ECE1: variants seen among roughly 807,000 people sequenced by gnomAD.
ECE1 encodes endothelin-converting enzyme 1.
A neutral mutation model predicts 98.6 loss-of-function variants in ECE1; 35 were observed. The ratio of observed to expected loss-of-function variants is 0.35; its 90% confidence interval spans 0.27 to 0.47. The LOEUF is 0.47. Among genes scored for constraint, ECE1 ranks in the 20% least tolerant of loss-of-function variants. ECE1 has a pLI of 1.00. For synonymous variants in ECE1, 394 were observed against 407.1 expected (o/e 0.97, Z 0.39); for missense variants, 814 against 1,025.3 (o/e 0.79, Z 2.81).
Position 21,245,077 on chromosome 1 carries a change from T to C in ECE1, c.1190A>G (p.Asn397Ser), listed in dbSNP as rs145301395. ...RCLLNNYMIW[N>S]LVRKTSSFLD... Reference sequence around the variant, plus strand: ...GAAGGAGCTTGTTTTCCGCACCAGGTTCCAGATCATGTAGTTGTTGAGCAG... The same window carrying C: ...GAAGGAGCTTGTTTTCCGCACCAGGCTCCAGATCATGTAGTTGTTGAGCAG... The change falls in exon 10 of 19, where the codon AAC (asparagine) becomes AGC (serine). Residue 397 changes from asparagine to serine, a missense_variant. By Grantham distance (46) the Asn-to-Ser change is conservative (BLOSUM62 1). Coordinates refer to ENST00000374893, the MANE Select transcript of ECE1 (RefSeq NM_001397.3). 1,057 of 1,614,158 alleles carry C rather than the reference T, an allele frequency of 6.5e-4. 8 individuals are homozygous for C. In the South Asian group the frequency reaches 7.6e-3, roughly 12 times the overall value.
chr1:21,265,712 G>T (rs767987193), intron 4 of ECE1, among the ~76,000 whole-genome samples: 1 of 152,016 alleles, frequency 6.6e-6, no homozygotes, highest in Non-Finnish European at 1.5e-5. Context: ...CCCTTTCGGG[G>T]CTGTCACTCT....
rs1012930278 is a variant in ECE1 at position 21,307,074 on chromosome 1, G to T, written c.4-16918C>A. 1.3e-5 allele frequency among the ~76,000 whole-genome samples: 2 copies of T among 152,152 alleles called. No homozygotes were observed. Among genetic ancestry groups the T allele is most frequent in the Non-Finnish European group, 2.9e-5 (2 of 68,032 alleles). ...GCTTAGGATGACTGAGGTCCACCGA[G>T]GACTCCCTCGTCTCCCTGCACTCAA... On this transcript the variant is annotated intron_variant, in intron 1 of 18. Coordinates refer to the ECE1 transcript ENST00000415912. The surrounding 1 kb of genome is among the most constrained non-coding windows in gnomAD (Gnocchi z 4.2).
At chr1:21,331,157 C>CT (rs1288672677) in intron 1 of ECE1, among the ~76,000 whole-genome samples, 6 of 152,140 alleles carry the variant, frequency 3.9e-5, no homozygotes, top group Non-Finnish European at 2.9e-5. Flanking sequence ...AATCCCAGCA[C>CT]TTTGGGAGGC....
chr1:21,343,967 A>G lies in ECE1; in HGVS notation c.3+1409T>C, dbSNP rs571967633. On this transcript the variant is annotated intron_variant, in intron 1 of 18. Transcript: ENST00000415912. ...TCCAGTGCTGGTCCACAGATAGTGC[A>G]CTCCCTGTGTCGGAAACGGTCTGGG... Among the ~76,000 whole-genome samples, 268 of 151,932 alleles carry G rather than the reference A, an allele frequency of 1.8e-3. 1 individual carries two copies. Among genetic ancestry groups the G allele is most frequent in the African/African-American group, 6.3e-3 (259 of 41,424 alleles).
intron 2 of ECE1, among the ~76,000 whole-genome samples, chr1:21,288,856 T>G (rs1414112975): frequency 1.3e-5 from 2 of 152,078 alleles, no homozygotes; most frequent in Non-Finnish European, 2.9e-5. Context: ...AGAGCCTCAG[T>G]TTCCACATCT....
At chr1:21,279,166 C>A in intron 3 of ECE1, 25 bp downstream of exon 3, 1 of 1,614,072 alleles carries the variant, frequency 6.2e-7, no homozygotes, top group South Asian at 1.1e-5. Context: ...GAGTCAAGCC[C>A]ACCATGCAAC....
chr1:21,303,407 A>G (rs546124073), intron 1 of ECE1, among the ~76,000 whole-genome samples: 3 of 152,350 alleles, frequency 2.0e-5, no homozygotes, highest in Admixed American at 2.0e-4. Context: ...TGGGCAAATC[A>G]CTTAATCCCT....
chr1:21,260,788 AGAT>A lies in ECE1; in HGVS notation c.494-399_494-397del, dbSNP rs1001947717. 3.7e-4 allele frequency among the ~76,000 whole-genome samples: 57 copies of A among 152,320 alleles called. No homozygotes were observed. Among genetic ancestry groups the A allele is most frequent in the African/African-American group, 1.3e-3 (56 of 41,560 alleles). On this transcript the variant is annotated intron_variant, in intron 4 of 18. Coordinates refer to ENST00000374893, the MANE Select transcript of ECE1 (RefSeq NM_001397.3). This position sits in a 1 kb window ranked among gnomAD's most constrained non-coding sequence, Gnocchi z 4.3. ...AGGCCGGTCTTGGTTTTCAGATACC[AGAT>A]GATCTTTCTTGTGATAAAGACTGAA... is the stretch of plus-strand genomic sequence containing the variant.
intron 4 of ECE1, among the ~76,000 whole-genome samples, chr1:21,261,902 C>T (rs554343196): frequency 5.3e-5 from 8 of 152,270 alleles, no homozygotes; most frequent in Non-Finnish European, 7.4e-5. Context: ...TGGGGACAAG[C>T]GGGGATGCCT....
chr1:21,253,246 G>A (rs1322667881), intron 8 of ECE1, among the ~76,000 whole-genome samples: 2 of 151,522 alleles, frequency 1.3e-5, no homozygotes, highest in African/African-American at 2.4e-5. Flanking sequence ...TAGTAGAGAC[G>A]GGGTTTTACC....
rs142918103 is a variant in ECE1 at position 21,220,056 on chromosome 1, G to C, written c.2212C>G (p.Arg738Gly). 1 of 1,614,234 alleles carries C rather than the reference G, an allele frequency of 6.2e-7. No individual in the cohort carries two copies. The highest frequency in any genetic ancestry group is 1.7e-5 in the Admixed American group (1 of 60,020). ...GAATTGGAGAGGGAGCCGATGACCC[G>C]GAAGCGAGAGGGGCTGTGGGGATCG... Reference protein sequence around the residue: ...ITDPHSPSRFRVIGSLSNSKE... With the variant: ...ITDPHSPSRFGVIGSLSNSKE... The change falls in exon 19 of 19, where the codon CGG becomes GGG. Residue 738 changes from arginine (R) to glycine (G), a missense_variant. Physicochemically the swap from Arg to Gly is moderately radical, Grantham distance 125. Transcript: ENST00000374893. The surrounding 1 kb of genome is among the most constrained non-coding windows in gnomAD (Gnocchi z 5.0).
intron 1 of ECE1, among the ~76,000 whole-genome samples, chr1:21,304,966 TG>T (rs757757217): frequency 1.3e-5 from 2 of 152,212 alleles, no homozygotes; most frequent in Non-Finnish European, 2.9e-5. Context: ...GTCCCATCCT[TG>T]GTCCCTGCTT....
rs571455791 is a variant in ECE1 at position 21,224,987 on chromosome 1, G to A, written c.2040+263C>T. 1.1e-3 allele frequency among the ~76,000 whole-genome samples: 165 copies of A among 152,302 alleles called. 1 individual carries two copies. The highest frequency in any genetic ancestry group is 3.7e-3 in the African/African-American group (153 of 41,558). On this transcript the variant is annotated intron_variant, in intron 17 of 18. Coordinates refer to ENST00000374893, the MANE Select transcript of ECE1 (RefSeq NM_001397.3). ...AGATGAGAACAGGCAGGCTCTTCAG[G>A]CGGATGAAGCCCGAGCCCCTTCCTG...
chr1:21,227,073 G>A, intron 16 of ECE1, 86 bp downstream of exon 16: 2 of 1,386,454 alleles, frequency 1.4e-6, no homozygotes, highest in Non-Finnish European at 2.0e-6. Flanking sequence ...GCCCAGGCTG[G>A]TCTCAAACTC....
intron 1 of ECE1, chr1:21,298,535 T>G: frequency 3.0e-6 from 1 of 338,338 alleles, no homozygotes; most frequent in Non-Finnish European, 5.9e-6. Flanking sequence ...CTTAAAAAAG[T>G]GAGCCACGGA....
intron 2 of ECE1, 158 bp from the exon 3 acceptor site, chr1:21,279,490 C>T: frequency 1.3e-6 from 2 of 1,498,768 alleles, no homozygotes; most frequent in Non-Finnish European, 1.8e-6. Context: ...AGCCCTAATC[C>T]AGGAAAGGAA....
At chr1:21,321,588 T>C (rs1638964361) in intron 1 of ECE1, among the ~76,000 whole-genome samples, 1 of 150,980 alleles carries the variant, frequency 6.6e-6, no homozygotes, top group South Asian at 2.1e-4. Context: ...TTCTCCATTC[T>C]TTCTGCAGTC....
At position 21,307,820 on chromosome 1, in the gene ECE1, A is replaced by AGAGGCCCTGCCCCCTTGAGAGG. The variant is rs572629102; in HGVS notation, c.4-17686_4-17665dup. Among the ~76,000 whole-genome samples, 743 of 152,256 alleles carry AGAGGCCCTGCCCCCTTGAGAGG rather than the reference A, an allele frequency of 4.9e-3. 1 individual carries two copies. Among genetic ancestry groups the AGAGGCCCTGCCCCCTTGAGAGG allele is most frequent in the Non-Finnish European group, 8.2e-3 (557 of 68,000 alleles). On this transcript the variant is annotated intron_variant, in intron 1 of 18. Coordinates refer to the ECE1 transcript ENST00000415912. The surrounding 1 kb of genome is among the most constrained non-coding windows in gnomAD (Gnocchi z 4.2). ...TATGAAAGGTGGCCAGGCACAGGAA[A>AGAGGCCCTGCCCCCTTGAGAGG]GAGGCCCTGCCCCCTTGAGAGGGAG...
At chr1:21,265,960 T>C (rs1411239620) in intron 4 of ECE1, 1 of 152,174 alleles carries the variant, frequency 6.6e-6, no homozygotes, top group Non-Finnish European at 1.5e-5. Flanking sequence ...CCTGGGTACT[T>C]CCTTCTAGGG....
Sources: allele counts gnomAD v4.1 joint callset (sites outside exome capture counted in the v4.1 genomes callset), GRCh38; gene constraint gnomAD v4.1.1; non-coding constraint Gnocchi (gnomAD v3.1); transcripts MANE v1.5; gene names NCBI Gene and HGNC (gene_info 2026-07-23, HGNC 2026-07-21).